PCM1: variants seen among roughly 807,000 people sequenced by gnomAD.
PCM1 encodes the protein pericentriolar material 1.
PCM1 carries 157 observed loss-of-function variants against 241.9 expected under a neutral mutation model. That is an observed-to-expected ratio of 0.65 (90% CI 0.57 to 0.74). PCM1 has a LOEUF of 0.74. Ranked by LOEUF, PCM1 falls within the 30% of genes least tolerant of loss-of-function variation. The pLI, the probability that PCM1 is intolerant of heterozygous loss-of-function variation, is 0.00. For synonymous variants in PCM1, 1,085 were observed against 784.9 expected (o/e 1.38, Z -6.39); for missense variants, 3,478 against 2,360.1 (o/e 1.47, Z -9.81).
intron 34 of PCM1, 34 bp downstream of exon 34, chr8:18,011,861 C>A (rs773403362): frequency 1.3e-6 from 2 of 1,534,954 alleles, no homozygotes; most frequent in Non-Finnish European, 1.7e-6. Context: ...CTTCCATCAG[C>A]CTTATTTTAA....
chr8:17,965,305 A>G (rs2074407126), intron 18 of PCM1, among the ~76,000 whole-genome samples: 1 of 152,220 alleles, frequency 6.6e-6, no homozygotes, highest in South Asian at 2.1e-4. Context: ...AGCGCAATTG[A>G]TAAAATTGTT....
At chr8:18,011,387 C>T (rs1323691507) in intron 33 of PCM1, 21 bp downstream of exon 33, 2 of 1,490,884 alleles carry the variant, frequency 1.3e-6, no homozygotes, top group Non-Finnish European at 1.8e-6. Flanking sequence ...AGGCTCTGTA[C>T]TATCTTTATA....
intron 29 of PCM1, among the ~76,000 whole-genome samples, chr8:17,995,165 A>C (rs1303539467): frequency 6.6e-6 from 1 of 151,442 alleles, no homozygotes; most frequent in Non-Finnish European, 1.5e-5. Flanking sequence ...ATGAGGTCTT[A>C]GATTTATGTC....
At chr8:17,982,461 C>T (rs533705821) in intron 24 of PCM1, 1 of 151,726 alleles carries the variant, frequency 6.6e-6, no homozygotes, top group East Asian at 1.9e-4. Context: ...TATAAATATA[C>T]ACAAGTTTAC....
chr8:17,950,717 A>G lies in PCM1; in HGVS notation c.1064A>G (p.Asp355Gly). The change falls in exon 8 of 39, where the codon GAT becomes GGT. Residue 355 changes from aspartate to glycine, a missense_variant. Asp to Gly is a moderately conservative substitution (Grantham distance 94, BLOSUM62 -1). Transcript: ENST00000325083. ...LIQRFHNQLR[D>G]SQPPAVPDNR... is the part of the protein sequence containing the mutation. ...CAGCGTTTTCATAATCAGCTTCGTGATTCTCAGGTAACCTAGATGTTTTAG... is the reference window on the plus strand; with the variant it reads ...CAGCGTTTTCATAATCAGCTTCGTGGTTCTCAGGTAACCTAGATGTTTTAG... 1 of 1,548,578 alleles carries G rather than the reference A, an allele frequency of 6.5e-7. No individual in the cohort carries two copies. Among genetic ancestry groups the G allele is most frequent in the Non-Finnish European group, 8.9e-7 (1 of 1,129,210 alleles).
At chr8:17,981,376 C>A (rs769573677) in intron 24 of PCM1, among the ~76,000 whole-genome samples, 6 of 152,088 alleles carry the variant, frequency 3.9e-5, no homozygotes, top group Non-Finnish European at 7.4e-5. Flanking sequence ...GGATAGTTTC[C>A]CCTTTCTCCT....
At chr8:17,966,546 G>C (rs1279318765) in intron 20 of PCM1, 73 bp downstream of exon 20, 3 of 1,396,202 alleles carry the variant, frequency 2.1e-6, no homozygotes, top group South Asian at 1.4e-5. Context: ...GTTAGCTTCT[G>C]GGAGAAAAGA....
chr8:18,016,124 G>A (rs372158623), intron 36 of PCM1, among the ~76,000 whole-genome samples: 20 of 152,158 alleles, frequency 1.3e-4, no homozygotes, highest in African/African-American at 3.1e-4. Context: ...TCCTGACATT[G>A]TAATCCGCCT....
chr8:17,937,492 A>T (rs934852445), intron 4 of PCM1, 113 bp downstream of exon 4: 2 of 942,006 alleles, frequency 2.1e-6, no homozygotes, highest in Non-Finnish European at 3.1e-6. Flanking sequence ...TTTTAAAAAA[A>T]GTTTCTGTGC....
chr8:17,946,201 C>A (rs7013838), intron 6 of PCM1, among the ~76,000 whole-genome samples: 5,389 of 152,134 alleles, frequency 0.035, 135 homozygotes, highest in Non-Finnish European at 0.055. Context: ...TAGATGATAA[C>A]CTCCTAGCAT....
intron 21 of PCM1, 152 bp from the exon 22 acceptor site, chr8:17,969,425 T>G: frequency 3.3e-6 from 2 of 609,716 alleles, no homozygotes; most frequent in South Asian, 4.4e-5. Flanking sequence ...CTGTGAACAG[T>G]GATTGGATAA....
At chr8:18,014,905 AG>A (rs1410571612) in intron 36 of PCM1, 65 bp downstream of exon 36, 5 of 1,384,740 alleles carry the variant, frequency 3.6e-6, no homozygotes, top group Admixed American at 4.4e-5. Flanking sequence ...CTTCATTTTC[AG>A]ATTAGCATTC....
chr8:17,939,038 C>G, intron 5 of PCM1, 29 bp downstream of exon 5: 2 of 1,607,798 alleles, frequency 1.2e-6, no homozygotes, highest in Non-Finnish European at 8.5e-7. Context: ...TTTGCTCATT[C>G]TTTACACAAA....
At chr8:17,936,425 A>G (rs1318393755) in intron 3 of PCM1, among the ~76,000 whole-genome samples, 3 of 152,242 alleles carry the variant, frequency 2.0e-5, no homozygotes, top group Non-Finnish European at 4.4e-5. Flanking sequence ...GGGAATTTAC[A>G]GACCTTTTTG....
At chr8:17,937,095 A>T (rs1279804736) in intron 3 of PCM1, 39 bp from the exon 4 acceptor site, 1 of 1,498,104 alleles carries the variant, frequency 6.7e-7, no homozygotes, top group South Asian at 1.3e-5. Flanking sequence ...TCCTGGTTTG[A>T]TACAGGCCAT....
chr8:18,008,490 C>T (rs1200434792), intron 30 of PCM1, among the ~76,000 whole-genome samples: 1 of 152,060 alleles, frequency 6.6e-6, no homozygotes, highest in African/African-American at 2.4e-5. Context: ...TTGAATCATT[C>T]CGAAACCTTC....
intron 23 of PCM1, among the ~76,000 whole-genome samples, chr8:17,978,866 AT>A (rs1158555798): frequency 6.6e-6 from 1 of 152,248 alleles, no homozygotes; most frequent in Non-Finnish European, 1.5e-5. Context: ...ACTAGAGTTT[AT>A]TTCAGACATG....
At chr8:17,942,273 C>A (rs1055669680) in intron 6 of PCM1, among the ~76,000 whole-genome samples, 2 of 152,038 alleles carry the variant, frequency 1.3e-5, no homozygotes, top group African/African-American at 2.4e-5. Context: ...TTGGGACCAT[C>A]CTGGCCAACA....
chr8:17,988,903 T>G (rs1043340959), intron 26 of PCM1, among the ~76,000 whole-genome samples: 12 of 151,980 alleles, frequency 7.9e-5, no homozygotes, highest in African/African-American at 2.7e-4. Context: ...AGTTTGGCAG[T>G]TGCTTATAAA....
Sources: gnomAD v4.1 joint callset for allele counts (sites outside exome capture counted in the v4.1 genomes callset) on GRCh38, gnomAD v4.1.1 for gene constraint, MANE v1.5 for transcripts, NCBI Gene and HGNC (gene_info 2026-07-23, HGNC 2026-07-21) for gene names.